The following CCSER1 variants were observed in gnomAD, a reference collection of about 807,000 sequenced individuals.
CCSER1 encodes serine-rich coiled-coil domain-containing protein 1.
Under a neutral mutation model 82.0 loss-of-function variants are expected in CCSER1, and 41 were observed. The observed-to-expected ratio is 0.50, with a 90% CI of 0.39 to 0.65. The LOEUF (loss-of-function observed/expected upper bound fraction) is 0.65, where lower values mean the gene tolerates loss of function less well. Among genes scored for constraint, CCSER1 ranks in the 30% least tolerant of loss-of-function variants. The probability of loss-of-function intolerance (pLI) is 0.00; values close to 1 mark genes in which losing one functional copy is unlikely to be tolerated. For synonymous variants in CCSER1, 414 were observed against 383.9 expected (o/e 1.08, Z -0.92); for missense variants, 1,119 against 1,064.2 (o/e 1.05, Z -0.72).
intron 10 of CCSER1, among the ~76,000 whole-genome samples, chr4:91,310,760 T>G (rs1745411569): frequency 6.6e-6 from 1 of 151,914 alleles, no homozygotes; most frequent in Non-Finnish European, 1.5e-5. Context: ...AAGTCTAATC[T>G]GATCTTGTCA....
At chr4:90,892,841 C>G (rs578065912) in intron 8 of CCSER1, among the ~76,000 whole-genome samples, 1 of 152,138 alleles carries the variant, frequency 6.6e-6, no homozygotes, top group African/African-American at 2.4e-5. Flanking sequence ...CCTCCCATTG[C>G]ATTACTAATG....
intron 10 of CCSER1, among the ~76,000 whole-genome samples, chr4:91,087,823 C>A (rs1018955245): frequency 2.6e-5 from 4 of 152,068 alleles, no homozygotes; most frequent in African/African-American, 9.7e-5. Flanking sequence ...GTTACTTAAG[C>A]ATATTTCTAT....
chr4:90,619,098 A>C (rs559532001), intron 5 of CCSER1, among the ~76,000 whole-genome samples: 1 of 151,894 alleles, frequency 6.6e-6, no homozygotes, highest in African/African-American at 2.4e-5. Context: ...TTCCCTTTTT[A>C]GAGGTTTTTC....
chr4:91,038,316 A>G (rs544087782), intron 9 of CCSER1, among the ~76,000 whole-genome samples: 4 of 152,308 alleles, frequency 2.6e-5, no homozygotes, highest in South Asian at 4.1e-4. Context: ...TATAAATGAA[A>G]GATGACACAA....
In CCSER1 at chr4:90,815,657, G is replaced by C. The variant is rs75005705; in HGVS notation, c.2011-105G>C. On this transcript the variant is annotated intron_variant, in intron 7 of 10. Coordinates refer to ENST00000509176, the MANE Select transcript of CCSER1 (RefSeq NM_001145065.2). Reference sequence around the variant, plus strand: ...ATACTATAGAGGGAATTTGAGTTTCGTTAGTCAGATGCAATTATCTCCCAC... The same window carrying C: ...ATACTATAGAGGGAATTTGAGTTTCCTTAGTCAGATGCAATTATCTCCCAC... The C allele has an allele frequency of 7.4e-6, 5 of 678,874 alleles. No homozygotes were observed. In the Admixed American group the frequency reaches 1.5e-4, roughly 20 times the overall value. 42.1% of individuals were successfully genotyped at this position (678,874 alleles called of 1,614,324 possible). A position where few individuals can be genotyped will look rare whatever the true frequency, so the allele number is the denominator to read the frequency against.
At chr4:91,082,707 T>C (rs912004446) in intron 9 of CCSER1, among the ~76,000 whole-genome samples, 3 of 151,884 alleles carry the variant, frequency 2.0e-5, no homozygotes, top group African/African-American at 7.3e-5. Flanking sequence ...CTTAAACAGA[T>C]TTACAAGAAA....
chr4:90,888,065 T>C (rs1722419367), intron 8 of CCSER1, among the ~76,000 whole-genome samples: 2 of 152,178 alleles, frequency 1.3e-5, no homozygotes, highest in Admixed American at 1.3e-4. Context: ...TAAATTGAGG[T>C]AATATAGTTA....
chr4:91,116,452 G>C (rs1171113711), intron 10 of CCSER1, among the ~76,000 whole-genome samples: 2 of 152,100 alleles, frequency 1.3e-5, no homozygotes, highest in African/African-American at 2.4e-5. Flanking sequence ...TCCCTGCTAG[G>C]TAATTTACTA....
At chr4:91,462,691 A>T (rs1015071034) in intron 10 of CCSER1, among the ~76,000 whole-genome samples, 1 of 152,194 alleles carries the variant, frequency 6.6e-6, no homozygotes, top group African/African-American at 2.4e-5. Flanking sequence ...GTCTTAGCAA[A>T]TGGCACACCA....
At chr4:90,616,405 G>T (rs535959408) in intron 5 of CCSER1, among the ~76,000 whole-genome samples, 30 of 152,096 alleles carry the variant, frequency 2.0e-4, no homozygotes, top group African/African-American at 7.0e-4. Context: ...TTTAGACTGG[G>T]TGTAGTGGCT....
intron 10 of CCSER1, among the ~76,000 whole-genome samples, chr4:91,091,050 C>T (rs1402568551): frequency 6.6e-6 from 1 of 152,162 alleles, no homozygotes; most frequent in African/African-American, 2.4e-5. Flanking sequence ...GACACATGAC[C>T]AGTACCCACA....
intron 1 of CCSER1, among the ~76,000 whole-genome samples, chr4:90,184,558 T>C (rs944476704): frequency 2.6e-5 from 4 of 152,116 alleles, no homozygotes; most frequent in African/African-American, 9.7e-5. Context: ...AGTATTTTAT[T>C]GAAAGGTTTT....
At chr4:91,175,132 T>A (rs1733191964) in intron 10 of CCSER1, among the ~76,000 whole-genome samples, 1 of 152,156 alleles carries the variant, frequency 6.6e-6, no homozygotes, top group South Asian at 2.1e-4. Flanking sequence ...TTCATCCATG[T>A]CCCTATAAAG....
intron 5 of CCSER1, among the ~76,000 whole-genome samples, chr4:90,576,638 A>G (rs1606038): frequency 0.43 from 65,171 of 151,852 alleles, 16,502 homozygotes; most frequent in African/African-American, 0.71. Context: ...TTTTCAGTTT[A>G]CCTCTTTCGC....
intron 10 of CCSER1, among the ~76,000 whole-genome samples, chr4:91,104,323 C>T (rs1725382439): frequency 6.6e-6 from 1 of 152,172 alleles, no homozygotes; most frequent in Admixed American, 6.5e-5. Flanking sequence ...CGTGTGCTTA[C>T]ACTGCCTCCC....
At chr4:90,959,786 T>C (rs1733887295) in intron 9 of CCSER1, among the ~76,000 whole-genome samples, 1 of 151,664 alleles carries the variant, frequency 6.6e-6, no homozygotes. Flanking sequence ...TTTGCCTTCT[T>C]TGCCTATCTC....
chr4:90,522,293 T>C (rs1773232906), intron 5 of CCSER1, among the ~76,000 whole-genome samples: 1 of 152,196 alleles, frequency 6.6e-6, no homozygotes, highest in South Asian at 2.1e-4. Flanking sequence ...AGTCTGTAAG[T>C]CACTACATTT....
At chr4:91,081,483 T>C (rs1345634957) in intron 9 of CCSER1, among the ~76,000 whole-genome samples, 1 of 152,162 alleles carries the variant, frequency 6.6e-6, no homozygotes, top group African/African-American at 2.4e-5. Flanking sequence ...ACTGGAAGCA[T>C]TCCCTTTGAA....
intron 1 of CCSER1, among the ~76,000 whole-genome samples, chr4:90,214,835 T>C (rs1387032301): frequency 6.6e-6 from 1 of 152,236 alleles, no homozygotes; most frequent in Non-Finnish European, 1.5e-5. Flanking sequence ...CATTACCTTT[T>C]ACAAAGAATT....
Sources: gnomAD v4.1 joint callset for allele counts (sites outside exome capture counted in the v4.1 genomes callset) on GRCh38, gnomAD v4.1.1 for gene constraint, MANE v1.5 for transcripts, NCBI Gene and HGNC (gene_info 2026-07-23, HGNC 2026-07-21) for gene names.